STK32B: variants seen among roughly 807,000 people sequenced by gnomAD.
STK32B encodes the protein serine/threonine-protein kinase 32B.
STK32B carries 43 observed loss-of-function variants against 52.6 expected under a neutral mutation model. That is an observed-to-expected ratio of 0.82 (90% confidence interval 0.64 to 1.05). The LOEUF (loss-of-function observed/expected upper bound fraction) is 1.05. Among genes scored for constraint, STK32B ranks in the 50% least tolerant of loss-of-function variants. The probability of loss-of-function intolerance (pLI) is 0.00; values close to 1 mark genes in which losing one functional copy is unlikely to be tolerated. For synonymous variants in STK32B, 238 were observed against 204.3 expected (o/e 1.17, Z -1.41); for missense variants, 621 against 534.6 (o/e 1.16, Z -1.59).
intron 4 of STK32B, among the ~76,000 whole-genome samples, chr4:5,339,060 A>C (rs73093805): frequency 1.1e-4 from 17 of 151,184 alleles, no homozygotes; most frequent in Admixed American, 3.3e-4. Flanking sequence ...CACTCTTTCT[A>C]CTTGACTGAA....
chr4:5,286,306 G>T (rs1728537944), intron 3 of STK32B, among the ~76,000 whole-genome samples: 1 of 152,170 alleles, frequency 6.6e-6, no homozygotes, highest in Non-Finnish European at 1.5e-5. Flanking sequence ...ATAAGATGTG[G>T]AGAGTCGGAT....
intron 1 of STK32B, among the ~76,000 whole-genome samples, chr4:5,067,738 G>C (rs1742478161): frequency 6.6e-6 from 1 of 152,026 alleles, no homozygotes; most frequent in African/African-American, 2.4e-5. Flanking sequence ...AAATAAAAGA[G>C]GTCTAATTGG....
At chr4:5,492,780 C>G (rs1454081783) in intron 11 of STK32B, among the ~76,000 whole-genome samples, 2 of 151,268 alleles carry the variant, frequency 1.3e-5, no homozygotes, top group South Asian at 4.1e-4. Flanking sequence ...GAGTTTTTAG[C>G]ATGAAGGGTT....
chr4:5,287,374 C>A (rs1365768784), intron 3 of STK32B, among the ~76,000 whole-genome samples: 1 of 150,590 alleles, frequency 6.6e-6, no homozygotes, highest in Non-Finnish European at 1.5e-5. Context: ...AGGCTGAACA[C>A]CTCTTTATAT....
At chr4:5,438,213 C>G (rs1160111634) in intron 6 of STK32B, 1 of 842,944 alleles carries the variant, frequency 1.2e-6, no homozygotes, top group Admixed American at 6.2e-5. Context: ...AGAAGAGGAA[C>G]AGGCACACAC....
At chr4:5,150,188 T>C (rs1474993587) in intron 2 of STK32B, among the ~76,000 whole-genome samples, 1 of 152,104 alleles carries the variant, frequency 6.6e-6, no homozygotes, top group Admixed American at 6.5e-5. Flanking sequence ...TCCTATGGTA[T>C]GCATAGGTGG....
chr4:5,131,520 C>T (rs960451324), intron 1 of STK32B, among the ~76,000 whole-genome samples: 1 of 152,176 alleles, frequency 6.6e-6, no homozygotes, highest in Non-Finnish European at 1.5e-5. Context: ...AGCCCTTACC[C>T]CAGCCTGTGA....
At chr4:5,101,956 C>G (rs997237932) in intron 1 of STK32B, among the ~76,000 whole-genome samples, 2 of 152,164 alleles carry the variant, frequency 1.3e-5, no homozygotes, top group Admixed American at 6.5e-5. Context: ...CCTGGTTTGC[C>G]TAGGACCATC....
chr4:5,363,616 T>C (rs1042550151), intron 4 of STK32B, among the ~76,000 whole-genome samples: 5 of 152,230 alleles, frequency 3.3e-5, no homozygotes, highest in African/African-American at 1.2e-4. Flanking sequence ...AGAATGACTT[T>C]TAGATCAAGA....
chr4:5,427,648 AT>A (rs1264426645), intron 6 of STK32B, among the ~76,000 whole-genome samples: 2 of 152,108 alleles, frequency 1.3e-5, no homozygotes, highest in African/African-American at 4.8e-5. Context: ...CTTTCAAGGA[AT>A]TTCCCTAGTT....
At chr4:5,083,493 T>C (rs894014694) in intron 1 of STK32B, among the ~76,000 whole-genome samples, 3 of 152,236 alleles carry the variant, frequency 2.0e-5, no homozygotes, top group Admixed American at 6.5e-5. Context: ...GTCTGCTTTG[T>C]TGTAAGGGTT....
intron 2 of STK32B, among the ~76,000 whole-genome samples, chr4:5,146,398 T>G (rs1716917665): frequency 2.0e-5 from 3 of 152,104 alleles, no homozygotes; most frequent in African/African-American, 7.2e-5. Context: ...GAATTTGAAG[T>G]CTGATGTTGT....
At chr4:5,486,550 G>A (rs966882141) in intron 11 of STK32B, among the ~76,000 whole-genome samples, 4 of 152,330 alleles carry the variant, frequency 2.6e-5, no homozygotes, top group African/African-American at 4.8e-5. Context: ...GCGATGCCTC[G>A]CCCTGCTTTG....
chr4:5,132,352 G>A (rs904209210), intron 1 of STK32B, among the ~76,000 whole-genome samples: 1 of 152,126 alleles, frequency 6.6e-6, no homozygotes, highest in Non-Finnish European at 1.5e-5. Context: ...CTGGGTGGAG[G>A]GAGAGGATCA....
At chr4:5,163,181 C>T (rs941524652) in intron 2 of STK32B, among the ~76,000 whole-genome samples, 1 of 152,112 alleles carries the variant, frequency 6.6e-6, no homozygotes, top group African/African-American at 2.4e-5. Context: ...GTATTCCAGG[C>T]AGAGTACGTG....
chr4:5,122,423 CATT>C (rs1715100091), intron 1 of STK32B, among the ~76,000 whole-genome samples: 1 of 152,126 alleles, frequency 6.6e-6, no homozygotes, highest in African/African-American at 2.4e-5. Context: ...TTCATTCACT[CATT>C]AACCTACTTC....
At chr4:5,213,386 C>T (rs1437374504) in intron 3 of STK32B, among the ~76,000 whole-genome samples, 1 of 152,176 alleles carries the variant, frequency 6.6e-6, no homozygotes, top group East Asian at 1.9e-4. Context: ...CAGGCCATGC[C>T]CCACTTGTTC....
intron 2 of STK32B, among the ~76,000 whole-genome samples, chr4:5,157,910 A>G (rs1218704684): frequency 6.6e-6 from 1 of 152,216 alleles, no homozygotes; most frequent in African/African-American, 2.4e-5. Flanking sequence ...TGCATTTACT[A>G]GAAGCCTTCA....
chr4:5,485,759 G>T (rs967467993), intron 11 of STK32B, among the ~76,000 whole-genome samples: 1 of 152,112 alleles, frequency 6.6e-6, no homozygotes, highest in East Asian at 1.9e-4. Context: ...GTACAGATGG[G>T]GTTTTGGTGT....
Sources: gnomAD v4.1 joint callset for allele counts (sites outside exome capture counted in the v4.1 genomes callset) on GRCh38, gnomAD v4.1.1 for gene constraint, MANE v1.5 for transcripts, NCBI Gene and HGNC (gene_info 2026-07-23, HGNC 2026-07-21) for gene names.